DCLK2: variants seen among roughly 807,000 people sequenced by gnomAD.
The protein encoded by DCLK2 is serine/threonine-protein kinase DCLK2.
DCLK2 carries 31 observed loss-of-function variants against 78.4 expected under a neutral mutation model. The observed-to-expected ratio is 0.40, with a 90% CI of 0.30 to 0.53. The LOEUF is 0.53. DCLK2 is among the 20% of genes least tolerant of loss of function. DCLK2 has a pLI of 0.61. For synonymous variants in DCLK2, 407 were observed against 374.9 expected, an observed-to-expected ratio of 1.09 and a Z score of -0.99; for missense variants, 872 against 973.7, an observed-to-expected ratio of 0.90 and a Z score of 1.39.
chr4:150,101,750 A>C (rs1270702355), intron 1 of DCLK2, among the ~76,000 whole-genome samples: 3 of 152,350 alleles, frequency 2.0e-5, no homozygotes, highest in East Asian at 3.9e-4. Context: ...AAAATTAAGC[A>C]GAAGGTTTCA....
chr4:150,210,966 AAG>A (rs1491269332), intron 5 of DCLK2, among the ~76,000 whole-genome samples: 5,463 of 150,508 alleles, frequency 0.036, 133 homozygotes, highest in Middle Eastern at 0.052. Context: ...AAAAAAAAGA[AAG>A]AAAGAAAAAG....
intron 13 of DCLK2, 43 bp downstream of exon 13, chr4:150,247,742 G>A: frequency 3.3e-6 from 5 of 1,535,960 alleles, no homozygotes; most frequent in Non-Finnish European, 4.5e-6. Flanking sequence ...TACGTTGTGG[G>A]GTCCTCACCC....
chr4:150,169,732 A>G (rs1321082544), intron 2 of DCLK2, among the ~76,000 whole-genome samples: 1 of 152,028 alleles, frequency 6.6e-6, no homozygotes, highest in East Asian at 1.9e-4. Flanking sequence ...GGATAGAAAT[A>G]GAAGTAGGGT....
chr4:150,113,270 G>C (rs573777231), intron 2 of DCLK2, among the ~76,000 whole-genome samples: 1 of 152,218 alleles, frequency 6.6e-6, no homozygotes, highest in South Asian at 2.1e-4. Flanking sequence ...AATGAGTTAG[G>C]GTGGATTCCC....
intron 2 of DCLK2, among the ~76,000 whole-genome samples, chr4:150,131,990 A>G (rs1733343944): frequency 6.6e-6 from 1 of 152,158 alleles, no homozygotes; most frequent in Non-Finnish European, 1.5e-5. Flanking sequence ...TGTTAAACCA[A>G]GCCTCGGGCT....
intron 2 of DCLK2, among the ~76,000 whole-genome samples, chr4:150,135,626 T>G (rs371830032): frequency 1.2e-4 from 19 of 152,298 alleles, no homozygotes; most frequent in African/African-American, 3.4e-4. Context: ...TAACCCACAC[T>G]TAGCAGGGAA....
intron 14 of DCLK2, 127 bp from the exon 15 acceptor site, chr4:150,249,441 C>G (rs570501046): frequency 2.7e-6 from 2 of 732,660 alleles, no homozygotes; most frequent in Middle Eastern, 2.4e-4. Context: ...AATTCTGTGG[C>G]TAAGAGGGGC....
Position 150,151,037 on chromosome 4 carries a change from T to C in DCLK2, c.757-42101T>C, listed in dbSNP as rs117574788. ...AGTGCCTCAGCACCTACTGCCCTGC[T>C]TGTCGCCAGCTCTCCTGCCACATCC... On this transcript the variant is annotated intron_variant, in intron 2 of 15. Coordinates refer to ENST00000296550, the MANE Select transcript of DCLK2 (RefSeq NM_001040260.4). Among the ~76,000 whole-genome samples the C allele has an allele frequency of 1.8e-3, 279 of 152,374 alleles. 2 individuals carry two copies. The highest frequency in any genetic ancestry group is 0.017 in the East Asian group (88 of 5,186).
At chr4:150,099,228 G>C (rs953675906) in intron 1 of DCLK2, among the ~76,000 whole-genome samples, 3 of 151,966 alleles carry the variant, frequency 2.0e-5, no homozygotes, top group African/African-American at 7.2e-5. Context: ...AATGATTATT[G>C]ATTTCTTTTT....
chr4:150,143,656 A>G (rs1425481594), intron 2 of DCLK2, among the ~76,000 whole-genome samples: 1 of 152,150 alleles, frequency 6.6e-6, no homozygotes, highest in Non-Finnish European at 1.5e-5. Context: ...AGGTTGAACT[A>G]ATTTACATTC....
Position 150,220,806 on chromosome 4 carries a change from A to G in DCLK2, c.1132+28A>G, listed in dbSNP as rs142552234. ...AGTTCTCAGTCTGATCATTACTTTG[A>G]TAAAGGAAATCATGCATGGGGACTT... On this transcript the variant is annotated intron_variant, in intron 6 of 15. Transcript: ENST00000296550. The G allele has an allele frequency of 6.5e-5, 102 of 1,579,284 alleles. 2 individuals are homozygous for G. The East Asian group carries it at 2.3e-3, about 35-fold the overall frequency.
At chr4:150,232,197 G>A (rs1218806645) in intron 8 of DCLK2, 140 bp from the exon 9 acceptor site, 8 of 1,050,502 alleles carry the variant, frequency 7.6e-6, no homozygotes, top group Non-Finnish European at 9.7e-6. Flanking sequence ...ATTAGGTCAG[G>A]TTTAGTTGTC....
chr4:150,193,628 T>G (rs537449460), intron 3 of DCLK2, among the ~76,000 whole-genome samples: 1 of 152,188 alleles, frequency 6.6e-6, no homozygotes, highest in Non-Finnish European at 1.5e-5. Flanking sequence ...TAGTCATCCA[T>G]TTTTTGTGAT....
chr4:150,202,964 A>T (rs373845948), intron 4 of DCLK2, among the ~76,000 whole-genome samples: 35 of 152,314 alleles, frequency 2.3e-4, no homozygotes, highest in African/African-American at 7.9e-4. Flanking sequence ...AGAGGTTTCA[A>T]AGTTTTCAAA....
At chr4:150,220,662 G>A (rs371858686) in intron 5 of DCLK2, 41 bp from the exon 6 acceptor site, 63 of 1,541,470 alleles carry the variant, frequency 4.1e-5, no homozygotes, top group South Asian at 5.7e-5. Context: ...CTAGGGATTT[G>A]TAAATTATCC....
In DCLK2 at chr4:150,223,405, GAC is replaced by G; in HGVS notation, c.1242-1094_1242-1093del. ...ATTGAATGCTTTTTCTATACTCAAAGACATTTTTGGCATGTTAAAATTAAATT... is the reference window on the plus strand; with the variant it reads ...ATTGAATGCTTTTTCTATACTCAAAGATTTTTGGCATGTTAAAATTAAATT... On this transcript the variant is annotated intron_variant, in intron 7 of 15. Transcript: ENST00000296550. 2.0e-5 allele frequency among the ~76,000 whole-genome samples: 3 copies of G among 152,280 alleles called. No homozygotes were observed. The East Asian group carries it at 5.8e-4, about 29-fold the overall frequency.
intron 2 of DCLK2, among the ~76,000 whole-genome samples, chr4:150,154,644 G>A (rs1412510125): frequency 6.6e-6 from 1 of 152,152 alleles, no homozygotes; most frequent in Non-Finnish European, 1.5e-5. Context: ...GGAAGCTAAT[G>A]AACTATTTGT....
At chr4:150,231,055 T>C (rs1258459315) in intron 8 of DCLK2, among the ~76,000 whole-genome samples, 2 of 152,268 alleles carry the variant, frequency 1.3e-5, no homozygotes, top group African/African-American at 4.8e-5. Flanking sequence ...CTTACAGCTA[T>C]AATTTTTATT....
chr4:150,080,650 A>G (rs1241158288), intron 1 of DCLK2, among the ~76,000 whole-genome samples: 1 of 152,172 alleles, frequency 6.6e-6, no homozygotes, highest in Non-Finnish European at 1.5e-5. Flanking sequence ...CATTATCCCC[A>G]TTTTATAGAT....
Sources: allele counts gnomAD v4.1 joint callset (sites outside exome capture counted in the v4.1 genomes callset), GRCh38; gene constraint gnomAD v4.1.1; transcripts MANE v1.5; gene names NCBI Gene and HGNC (gene_info 2026-07-23, HGNC 2026-07-21).